SCN3A: variants seen among roughly 807,000 people sequenced by gnomAD.
The protein encoded by SCN3A is sodium channel protein type 3 subunit alpha.
In SCN3A, 60 loss-of-function variants were observed where a neutral mutation model predicts 187.6. The observed-to-expected ratio is 0.32, with a 90% CI of 0.26 to 0.40. The LOEUF (loss-of-function observed/expected upper bound fraction) is 0.40. Among genes scored for constraint, SCN3A ranks in the 10% least tolerant of loss-of-function variants. The pLI, the probability that SCN3A is intolerant of heterozygous loss-of-function variation, is 1.00. For missense variants in SCN3A, 1,601 were observed against 2,428.2 expected (o/e 0.66, Z 7.16); for synonymous variants, 788 against 829.2 (o/e 0.95, Z 0.85).
intron 11 of SCN3A, among the ~76,000 whole-genome samples, chr2:165,153,673 A>T (rs181262705): frequency 3.3e-5 from 5 of 152,274 alleles, no homozygotes; most frequent in African/African-American, 1.2e-4. Flanking sequence ...CAAAACAGAA[A>T]TGAGATACTT....
intron 15 of SCN3A, among the ~76,000 whole-genome samples, chr2:165,133,635 C>A (rs1376525242): frequency 6.6e-6 from 1 of 151,756 alleles, no homozygotes; most frequent in Non-Finnish European, 1.5e-5. Flanking sequence ...TGAGCCAACA[C>A]ACCCAGCCAT....
chr2:165,179,493 T>C (rs1559267804), intron 2 of SCN3A: 1 of 152,234 alleles, frequency 6.6e-6, no homozygotes, highest in Non-Finnish European at 1.5e-5. Flanking sequence ...TGAGATGATA[T>C]GGAACAAGGT....
chr2:165,155,353 C>A lies in SCN3A; in HGVS notation c.1173+409G>T, dbSNP rs192795608. 2.3e-3 allele frequency among the ~76,000 whole-genome samples: 343 copies of A among 152,172 alleles called. 1 individual carries two copies. Among genetic ancestry groups the A allele is most frequent in the African/African-American group, 7.2e-3 (298 of 41,544 alleles). ...CCTTTCCCTTCCCTTCCCTTCCATT[C>A]CCTTCTCTCCCTTTCCCTTTCCCTT... On this transcript the variant is annotated intron_variant, in intron 10 of 27. Coordinates refer to ENST00000283254, the MANE Select transcript of SCN3A (RefSeq NM_006922.4).
chr2:165,184,555 G>A (rs1414138229), intron 2 of SCN3A, among the ~76,000 whole-genome samples: 1 of 146,330 alleles, frequency 6.8e-6, no homozygotes, highest in Non-Finnish European at 1.5e-5. Flanking sequence ...GATTCTTGAT[G>A]TTTGCTGAAA....
chr2:165,091,654 A>C (rs577998922), intron 27 of SCN3A, among the ~76,000 whole-genome samples: 1 of 152,358 alleles, frequency 6.6e-6, no homozygotes, highest in East Asian at 1.9e-4. Context: ...GCAATTACAA[A>C]CAAAAATATT....
chr2:165,134,766 C>A (rs995087001), intron 15 of SCN3A, among the ~76,000 whole-genome samples: 4 of 151,712 alleles, frequency 2.6e-5, no homozygotes, highest in Non-Finnish European at 5.9e-5. Flanking sequence ...CTTTTAGAAG[C>A]AGCTATTATT....
intron 21 of SCN3A, among the ~76,000 whole-genome samples, chr2:165,111,795 G>C (rs775338413): frequency 6.6e-5 from 10 of 152,120 alleles, no homozygotes; most frequent in Non-Finnish European, 1.3e-4. Context: ...TCAGAGTTAT[G>C]TTGAAATTCA....
At chr2:165,162,392 C>G in intron 8 of SCN3A, 21 bp from the exon 9 acceptor site, 2 of 1,606,294 alleles carry the variant, frequency 1.2e-6, no homozygotes, top group Non-Finnish European at 8.5e-7. Flanking sequence ...AAAAAAAAAC[C>G]CATTTTATTT....
intron 2 of SCN3A, among the ~76,000 whole-genome samples, chr2:165,178,027 C>T (rs1468727486): frequency 6.6e-6 from 1 of 152,044 alleles, no homozygotes; most frequent in Admixed American, 6.5e-5. Context: ...GTAGTTTATC[C>T]CTAAATGGCC....
In SCN3A at chr2:165,138,137, G is replaced by T; in HGVS notation, c.2153-20C>A. 2 of 1,555,540 alleles carry T rather than the reference G, an allele frequency of 1.3e-6. No individual in the cohort carries two copies. The highest frequency in any genetic ancestry group is 1.1e-5 in the South Asian group (1 of 89,762). On this transcript the variant is annotated intron_variant, in intron 14 of 27. Coordinates refer to ENST00000283254, the MANE Select transcript of SCN3A (RefSeq NM_006922.4). The stretch of plus-strand genomic sequence containing the variant: ...CAAGTTCTGGAGGGACAATAACAAG[G>T]AAGAGTAGTAAATAACAACAAAAAT...
chr2:165,181,083 G>T (rs1051770863), intron 2 of SCN3A, among the ~76,000 whole-genome samples: 3 of 151,886 alleles, frequency 2.0e-5, no homozygotes, highest in East Asian at 3.9e-4. Context: ...TTAATGAGAA[G>T]AATTTGTTTC....
At chr2:165,170,692 C>G (rs1325899760) in intron 3 of SCN3A, 144 bp from the exon 4 acceptor site, 2 of 616,300 alleles carry the variant, frequency 3.2e-6, no homozygotes, top group East Asian at 2.8e-5. Flanking sequence ...TAACTACAAA[C>G]ATGTTAGATG....
At chr2:165,129,816 T>C in intron 17 of SCN3A, 124 bp downstream of exon 17, 1 of 1,195,812 alleles carries the variant, frequency 8.4e-7, no homozygotes, top group East Asian at 2.3e-5. Flanking sequence ...CTCTGAGTGC[T>C]AATAGGGGGA....
rs1485155658 is a variant in SCN3A at position 165,176,218 on chromosome 2, C to A, written c.177G>T (p.Lys59Asn). Residue 59 changes from lysine to asparagine, a missense_variant, in exon 3 of 28, where the codon AAG (lysine) becomes AAT (asparagine). Lys to Asn is a moderately conservative substitution (Grantham distance 94). Coordinates refer to ENST00000283254, the MANE Select transcript of SCN3A (RefSeq NM_006922.4). Reference sequence around the variant, plus strand: ...TGTCTCCATAAATAAATGGAAGGTTCTTTCCAGCTTCCAAGTCACTATTTG... The same window carrying A: ...TGTCTCCATAAATAAATGGAAGGTTATTTCCAGCTTCCAAGTCACTATTTG... ...PKPNSDLEAG[K>N]NLPFIYGDIP... is the part of the protein sequence containing the mutation. The A allele has an allele frequency of 1.9e-6, 3 of 1,614,114 alleles. No homozygotes were observed. Among genetic ancestry groups the A allele is most frequent in the African/African-American group, 1.3e-5 (1 of 75,044 alleles).
intron 2 of SCN3A, among the ~76,000 whole-genome samples, chr2:165,176,774 A>T (rs1690497103): frequency 6.6e-6 from 1 of 152,202 alleles, no homozygotes; most frequent in South Asian, 2.1e-4. Flanking sequence ...ATTTAAAAAA[A>T]TTCTGTTTTG....
chr2:165,164,675 GTT>G (rs960911893), intron 5 of SCN3A, among the ~76,000 whole-genome samples, 155 bp from the exon 6 acceptor site: 2 of 152,092 alleles, frequency 1.3e-5, no homozygotes, highest in Admixed American at 6.6e-5. Context: ...CATTTAGTTA[GTT>G]TTACAAGCCT....
rs1687916748 is a variant in SCN3A, at chr2:165,140,148, T to C, written c.2019+503A>G. ...AATTTCTTTAATTATTTCTATATCT[T>C]ATCCTATTAAAAAACAACACATTTT... On this transcript the variant is annotated intron_variant, in intron 13 of 27. Coordinates refer to ENST00000283254, the MANE Select transcript of SCN3A (RefSeq NM_006922.4). The surrounding 1 kb of genome is among the most constrained non-coding windows in gnomAD (Gnocchi z 4.2). Among the ~76,000 whole-genome samples the C allele has an allele frequency of 6.6e-6, 1 of 152,198 alleles. No homozygotes were observed. Among genetic ancestry groups the C allele is most frequent in the Non-Finnish European group, 1.5e-5 (1 of 68,040 alleles).
Position 165,164,199 on chromosome 2 carries a change from C to T in SCN3A, c.602+193G>A, listed in dbSNP as rs375285299. 7.2e-5 allele frequency among the ~76,000 whole-genome samples: 11 copies of T among 152,068 alleles called. No homozygotes were observed. The East Asian group carries it at 1.5e-3, about 21-fold the overall frequency. The stretch of plus-strand genomic sequence containing the variant: ...AAAGACTATATGACATGAAGATAAC[C>T]CCATTTATTGATCATTTACTGGATA... On this transcript the variant is annotated intron_variant, in intron 6 of 27. Coordinates refer to ENST00000283254, the MANE Select transcript of SCN3A (RefSeq NM_006922.4).
chr2:165,133,034 C>T (rs1377262962), intron 15 of SCN3A, among the ~76,000 whole-genome samples: 1 of 152,164 alleles, frequency 6.6e-6, no homozygotes, highest in African/African-American at 2.4e-5. Flanking sequence ...TGAAAAAATG[C>T]TCACCATCAC....
Sources: gnomAD v4.1 joint callset for allele counts (sites outside exome capture counted in the v4.1 genomes callset) on GRCh38, gnomAD v4.1.1 for gene constraint, Gnocchi (gnomAD v3.1) non-coding constraint, MANE v1.5 for transcripts, NCBI Gene and HGNC (gene_info 2026-07-23, HGNC 2026-07-21) for gene names.